Variants in TMEM184B observed in about 807,000 individuals in gnomAD.
TMEM184B encodes the protein transmembrane protein 184B, also known as putative MAPK-activating protein FM08.
Under a neutral mutation model 41.8 loss-of-function variants are expected in TMEM184B, and 17 were observed. The observed-to-expected ratio is 0.41, with a 90% CI of 0.28 to 0.61. TMEM184B has a LOEUF of 0.61. Ranked by LOEUF, TMEM184B falls within the 20% of genes least tolerant of loss-of-function variation. The pLI is 0.34. For synonymous variants in TMEM184B, 240 were observed against 229.5 expected, an observed-to-expected ratio of 1.05 and a Z score of -0.41; for missense variants, 393 against 557.8, an observed-to-expected ratio of 0.70 and a Z score of 2.98.
intron 8 of TMEM184B, chr22:38,221,920 C>T: frequency 1.4e-6 from 1 of 703,844 alleles, no homozygotes; most frequent in South Asian, 1.9e-5. Flanking sequence ...CAAGGGGAGG[C>T]TGGACTGTGA....
At chr22:38,258,139 C>T (rs2092313942) in intron 1 of TMEM184B, among the ~76,000 whole-genome samples, 1 of 152,168 alleles carries the variant, frequency 6.6e-6, no homozygotes, top group African/African-American at 2.4e-5. Flanking sequence ...GGCTCTGAGA[C>T]AGGGAACTGA....
In TMEM184B at chr22:38,230,659, G is replaced by A; in HGVS notation, c.525+10C>T. ...TCCTCCTGAGCTAGGCAGCTGCTGG[G>A]GGCACACACCTGTTTGCAGAACCTC... On this transcript the variant is annotated intron_variant, in intron 5 of 8. Coordinates refer to ENST00000361906, the MANE Select transcript of TMEM184B (RefSeq NM_012264.5). The A allele has an allele frequency of 6.2e-7, 1 of 1,607,466 alleles. No individual in the cohort carries two copies. Among genetic ancestry groups the A allele is most frequent in the Non-Finnish European group, 8.5e-7 (1 of 1,177,202 alleles).
intron 1 of TMEM184B, among the ~76,000 whole-genome samples, chr22:38,251,869 C>T (rs1396641341): frequency 6.6e-6 from 1 of 151,266 alleles, no homozygotes; most frequent in Admixed American, 6.6e-5. Flanking sequence ...TCCAGCTGCT[C>T]TGGCAGGACC....
At chr22:38,227,593 G>A (rs1602376950) in intron 5 of TMEM184B, among the ~76,000 whole-genome samples, 1 of 152,310 alleles carries the variant, frequency 6.6e-6, no homozygotes, top group East Asian at 1.9e-4. Context: ...GGGGATGGAG[G>A]TGACCTGCAG....
At chr22:38,234,531 A>G (rs546881230) in intron 3 of TMEM184B, among the ~76,000 whole-genome samples, 40 of 152,196 alleles carry the variant, frequency 2.6e-4, no homozygotes, top group Non-Finnish European at 4.9e-4. Flanking sequence ...GTTGTTTTAC[A>G]CTAGTGTGTT....
downstream of TMEM184B, among the ~76,000 whole-genome samples, chr22:38,217,190 A>AC (rs1308206111): frequency 2.9e-5 from 4 of 137,782 alleles, no homozygotes; most frequent in African/African-American, 1.1e-4. Context: ...AACAACAACA[A>AC]AAAAAAAACA....
chr22:38,261,763 G>A (rs1344671602), intron 1 of TMEM184B, among the ~76,000 whole-genome samples: 2 of 152,152 alleles, frequency 1.3e-5, no homozygotes, highest in East Asian at 3.9e-4. Context: ...TCAGCATCCT[G>A]CACCCCAACA....
In TMEM184B at chr22:38,231,178, C is replaced by T. The variant is rs115735400; in HGVS notation, c.449+66G>A. ...GGTCTGTGTCCAGCTGGTGCCAGGACGGCTCGAGGTACACCAGGCCCAGGA... is the reference window on the plus strand; with the variant it reads ...GGTCTGTGTCCAGCTGGTGCCAGGATGGCTCGAGGTACACCAGGCCCAGGA... On this transcript the variant is annotated intron_variant, in intron 4 of 8. Transcript: ENST00000361906. 967 of 1,378,516 alleles carry T rather than the reference C, an allele frequency of 7.0e-4. 9 individuals carry two copies. In the African/African-American group the frequency reaches 0.012, roughly 18 times the overall value. The allele number at this position is 1,378,516 out of a possible 1,614,324, so 85.4% of individuals were successfully genotyped here. A position where few individuals can be genotyped will look rare whatever the true frequency, so the allele number is the denominator to read the frequency against.
intron 2 of TMEM184B, among the ~76,000 whole-genome samples, chr22:38,246,392 G>A (rs985407856): frequency 3.9e-5 from 6 of 152,232 alleles, no homozygotes; most frequent in African/African-American, 1.2e-4. Flanking sequence ...CCCACAGGAA[G>A]GCCAAGGATG....
At chr22:38,270,768 C>G (rs983249028) in intron 1 of TMEM184B, among the ~76,000 whole-genome samples, 1 of 152,198 alleles carries the variant, frequency 6.6e-6, no homozygotes, top group African/African-American at 2.4e-5. Flanking sequence ...CCTGCCTTGC[C>G]GGGGCTGTTT....
At chr22:38,242,295 C>T (rs2091928142) in intron 3 of TMEM184B, among the ~76,000 whole-genome samples, 1 of 151,396 alleles carries the variant, frequency 6.6e-6, no homozygotes, top group East Asian at 2.0e-4. Flanking sequence ...CGGTGAAACC[C>T]CGTCTCTACT....
At chr22:38,256,522 C>T (rs1015737738) in intron 1 of TMEM184B, among the ~76,000 whole-genome samples, 2 of 152,146 alleles carry the variant, frequency 1.3e-5, no homozygotes, top group African/African-American at 2.4e-5. Context: ...AGCCACCATG[C>T]CCGGCCAACA....
chr22:38,242,183 C>T (rs1296035087), intron 3 of TMEM184B, among the ~76,000 whole-genome samples: 2 of 151,580 alleles, frequency 1.3e-5, no homozygotes, highest in Non-Finnish European at 2.9e-5. Flanking sequence ...AGAAAAAAAG[C>T]AGGGCCAGGC....
rs11538090 is a variant in TMEM184B at position 38,221,155 on chromosome 22, G to A, written c.*314C>T. On this transcript the variant is annotated 3_prime_UTR_variant, in exon 9 of 9. Coordinates refer to ENST00000361906, the MANE Select transcript of TMEM184B (RefSeq NM_012264.5). ...AGCCGCTGGTCCACACACAAGCATT[G>A]GGGCCTGGGTGCGGCTGGTCCCAGC... The A allele has an allele frequency of 2.5e-6, 3 of 1,199,816 alleles. No homozygotes were observed. The highest frequency in any genetic ancestry group is 3.1e-6 in the Non-Finnish European group (3 of 963,148). The allele number at this position is 1,199,816 out of a possible 1,614,324, so 74.3% of individuals were successfully genotyped here.
intron 4 of TMEM184B, 51 bp downstream of exon 4, chr22:38,231,193 C>G: frequency 6.5e-7 from 1 of 1,527,196 alleles, no homozygotes; most frequent in Non-Finnish European, 9.1e-7. Flanking sequence ...CGAGGTACAC[C>G]AGGCCCAGGA....
In TMEM184B at chr22:38,247,848, A is replaced by G. The variant is rs2092070864; in HGVS notation, c.114T>C (p.Pro38=). The G allele has an allele frequency of 2.5e-6, 4 of 1,613,656 alleles. No individual in the cohort carries two copies. Among genetic ancestry groups the G allele is most frequent in the Non-Finnish European group, 2.5e-6 (3 of 1,179,956 alleles). ...PEGSPTAMEQ[P]VFLMTTAAQA... is the part of the protein sequence containing the mutation. ...GAGCGGCAGTTGTCATCAGGAACAC[A>G]GGCTGCTCCATGGCAGTGGGGCTGC... Residue 38 remains proline, a synonymous_variant, in exon 2 of 9, where the codon CCT becomes CCC. Transcript: ENST00000361906.
Position 38,224,866 on chromosome 22 carries a change from C to T in TMEM184B, c.901G>A (p.Val301Met), listed in dbSNP as rs747613276. 6 of 1,613,910 alleles carry T rather than the reference C, an allele frequency of 3.7e-6. No individual in the cohort carries two copies. The Admixed American group carries it at 6.7e-5, about 18-fold the overall frequency. Reference sequence around the variant, plus strand: ...GCCAGGGCTGCAAAGAACATCTCCACACAGATGATGAAGTCCTGGTAGCCG... The same window carrying T: ...GCCAGGGCTGCAAAGAACATCTCCATACAGATGATGAAGTCCTGGTAGCCG... ...AAGYQDFIIC[V>M]EMFFAALALR... is the part of the protein sequence containing the mutation. Residue 301 changes from valine (V) to methionine (M), a missense_variant, in exon 8 of 9, where the codon GTG becomes ATG. Physicochemically the swap from Val to Met is conservative, Grantham distance 21. Transcript: ENST00000361906.
intron 1 of TMEM184B, among the ~76,000 whole-genome samples, chr22:38,267,091 A>C (rs2092454776): frequency 6.6e-6 from 1 of 152,098 alleles, no homozygotes; most frequent in African/African-American, 2.4e-5. Context: ...CTCAAAAAAA[A>C]AAAAAAAACA....
chr22:38,224,400 C>A (rs1466991720), intron 8 of TMEM184B, among the ~76,000 whole-genome samples: 1 of 152,244 alleles, frequency 6.6e-6, no homozygotes, highest in East Asian at 1.9e-4. Flanking sequence ...AGGCGTGAGC[C>A]ACCGTGCCCG....
Sources: allele counts gnomAD v4.1 joint callset (sites outside exome capture counted in the v4.1 genomes callset), GRCh38; gene constraint gnomAD v4.1.1; transcripts MANE v1.5; gene names NCBI Gene and HGNC (gene_info 2026-07-23, HGNC 2026-07-21).